The following AEBP2 variants were observed in gnomAD, a reference collection of about 807,000 sequenced individuals.
The protein encoded by AEBP2 is zinc finger protein AEBP2.
Under a neutral mutation model 50.8 loss-of-function variants are expected in AEBP2, and 10 were observed. That is an observed-to-expected ratio of 0.20 (90% CI 0.12 to 0.33). The LOEUF (loss-of-function observed/expected upper bound fraction) is 0.33. Ranked by LOEUF, AEBP2 falls within the 10% of genes least tolerant of loss-of-function variation. The pLI is 1.00. For synonymous variants in AEBP2, 296 were observed against 261.3 expected (o/e 1.13, Z -1.28); for missense variants, 570 against 688.0 (o/e 0.83, Z 1.92).
intron 1 of AEBP2, chr12:19,440,675 G>T (rs1427516864): frequency 2.6e-6 from 4 of 1,532,916 alleles, no homozygotes; most frequent in Non-Finnish European, 3.5e-6. Context: ...AACGGGCCCA[G>T]ATCCTCTGGC....
rs118038883 is a variant in AEBP2, at chr12:19,500,571, C to G, written c.1299+350C>G. Among the ~76,000 whole-genome samples, 4 of 152,274 alleles carry G rather than the reference C, an allele frequency of 2.6e-5. No homozygotes were observed. The East Asian group carries it at 7.7e-4, about 29-fold the overall frequency. On this transcript the variant is annotated intron_variant, in intron 5 of 7. Coordinates refer to ENST00000266508, the MANE Select transcript of AEBP2 (RefSeq NM_153207.5). ...TCATTTGCAAAATTAGAACATGAGA[C>G]TCCTTTTACCTCTAAAAAGTTTCAT...
chr12:19,440,543 G>GCGCAT, intron 1 of AEBP2, 173 bp downstream of exon 1: 1 of 1,378,572 alleles, frequency 7.3e-7, no homozygotes, highest in African/African-American at 1.5e-5. Context: ...CCCTCTCGCA[G>GCGCAT]CGCATCGCGG....
intron 1 of AEBP2, chr12:19,456,217 C>A (rs1948267477): frequency 1.4e-6 from 2 of 1,436,242 alleles, no homozygotes; most frequent in South Asian, 2.4e-5. Flanking sequence ...CTGATTAAGA[C>A]CGGGGTGGCA....
intron 3 of AEBP2, among the ~76,000 whole-genome samples, chr12:19,490,307 T>A (rs1397010643): frequency 6.6e-6 from 1 of 152,212 alleles, no homozygotes; most frequent in Non-Finnish European, 1.5e-5. Flanking sequence ...ATCTAATAGA[T>A]GTACGTATTG....
chr12:19,463,948 G>T (rs1948425180), intron 2 of AEBP2, among the ~76,000 whole-genome samples: 1 of 152,158 alleles, frequency 6.6e-6, no homozygotes, highest in Non-Finnish European at 1.5e-5. Context: ...TTACAGGCGT[G>T]AGTCACCGTG....
intron 1 of AEBP2, among the ~76,000 whole-genome samples, chr12:19,426,431 A>T (rs183259008): frequency 6.6e-6 from 1 of 152,332 alleles, no homozygotes; most frequent in Admixed American, 6.5e-5. Context: ...TACCTAAAAA[A>T]TTCCAACACT....
intron 1 of AEBP2, chr12:19,440,667 C>T (rs1268090750): frequency 1.3e-6 from 2 of 1,532,080 alleles, no homozygotes; most frequent in Non-Finnish European, 1.7e-6. Context: ...AGTCCCCAAA[C>T]GGGCCCAGAT....
At chr12:19,420,060 G>A (rs939503669) in intron 1 of AEBP2, among the ~76,000 whole-genome samples, 4 of 49,852 alleles carry the variant, frequency 8.0e-5, no homozygotes. Flanking sequence ...TTTTGCTTTT[G>A]TCGCCCAGGC....
chr12:19,483,575 A>G (rs545476631), intron 3 of AEBP2, among the ~76,000 whole-genome samples: 3 of 152,120 alleles, frequency 2.0e-5, no homozygotes, highest in East Asian at 1.9e-4. Flanking sequence ...CTCTCTGCCA[A>G]AGTGGGAGCT....
intron 1 of AEBP2, among the ~76,000 whole-genome samples, chr12:19,451,500 TC>T (rs1181433367): frequency 1.3e-5 from 2 of 152,130 alleles, no homozygotes; most frequent in Admixed American, 6.6e-5. Flanking sequence ...AGCTGAGTGT[TC>T]CAAGAGCGAG....
chr12:19,465,795 T>C (rs903127902), intron 2 of AEBP2, among the ~76,000 whole-genome samples: 9 of 140,192 alleles, frequency 6.4e-5, no homozygotes, highest in East Asian at 4.3e-4. Flanking sequence ...TTTTTTCTTT[T>C]TTTTTTTTTT....
chr12:19,470,895 G>T (rs1006940237), intron 2 of AEBP2, among the ~76,000 whole-genome samples: 2 of 152,150 alleles, frequency 1.3e-5, no homozygotes, highest in African/African-American at 4.8e-5. Context: ...GTTGTTACAG[G>T]AATGATGTTG....
At chr12:19,433,594 A>C (rs2095752537) in intron 1 of AEBP2, among the ~76,000 whole-genome samples, 1 of 152,012 alleles carries the variant, frequency 6.6e-6, no homozygotes, top group African/African-American at 2.4e-5. Flanking sequence ...AGCCTGGCCA[A>C]CATAATGAAA....
At chr12:19,454,851 A>G (rs1948238698) in intron 1 of AEBP2, among the ~76,000 whole-genome samples, 1 of 152,322 alleles carries the variant, frequency 6.6e-6, no homozygotes, top group South Asian at 2.1e-4. Context: ...ACTGAAAAGA[A>G]GACTGCCGAT....
At chr12:19,421,212 T>G (rs1267255621) in intron 1 of AEBP2, among the ~76,000 whole-genome samples, 1 of 151,692 alleles carries the variant, frequency 6.6e-6, no homozygotes, top group Non-Finnish European at 1.5e-5. Flanking sequence ...GGCGTAGTGC[T>G]GGACACCTGT....
intron 1 of AEBP2, among the ~76,000 whole-genome samples, chr12:19,450,987 GTTT>G (rs35893035): frequency 6.6e-6 from 1 of 150,832 alleles, no homozygotes. Flanking sequence ...TAGTATGACA[GTTT>G]TTTTTTTGGC....
chr12:19,480,462 TAGCATTTCTTG>T (rs1948710338), intron 3 of AEBP2, among the ~76,000 whole-genome samples: 1 of 152,238 alleles, frequency 6.6e-6, no homozygotes, highest in Non-Finnish European at 1.5e-5. Context: ...GAACTTCTTT[TAGCATTTCTTG>T]TAGTGCTGGC....
intron 3 of AEBP2, 139 bp downstream of exon 3, chr12:19,473,494 C>T (rs552734334): frequency 2.8e-4 from 72 of 253,610 alleles, no homozygotes; most frequent in African/African-American, 1.6e-3. Context: ...CAGCCTCCAC[C>T]TGCTGTGTTC....
At chr12:19,504,328 A>T (rs996466806) in intron 5 of AEBP2, among the ~76,000 whole-genome samples, 1 of 151,344 alleles carries the variant, frequency 6.6e-6, no homozygotes, top group Non-Finnish European at 1.5e-5. Context: ...TCCGCCTCCC[A>T]GGTTCACACC....
Sources: allele counts gnomAD v4.1 joint callset (sites outside exome capture counted in the v4.1 genomes callset), GRCh38; gene constraint gnomAD v4.1.1; transcripts MANE v1.5; gene names NCBI Gene and HGNC (gene_info 2026-07-23, HGNC 2026-07-21).